STX8: variants seen among roughly 807,000 people sequenced by gnomAD.
STX8 encodes syntaxin 8.
STX8 carries 23 observed loss-of-function variants against 37.5 expected under a neutral mutation model. That is an observed-to-expected ratio of 0.61 (90% CI 0.44 to 0.87). STX8 has a LOEUF of 0.87. STX8 is among the 40% of genes least tolerant of loss of function. The probability of loss-of-function intolerance (pLI) is 0.00; values close to 1 mark genes in which losing one functional copy is unlikely to be tolerated. For synonymous variants in STX8, 115 were observed against 99.1 expected, an observed-to-expected ratio of 1.16 and a Z score of -0.95; for missense variants, 313 against 284.7, an observed-to-expected ratio of 1.10 and a Z score of -0.71.
intron 4 of STX8, among the ~76,000 whole-genome samples, chr17:9,525,455 T>C (rs1905528069): frequency 1.3e-5 from 2 of 151,802 alleles, no homozygotes; most frequent in Admixed American, 1.3e-4. Flanking sequence ...CACACCATTC[T>C]CCTGCCTCAG....
Position 9,351,266 on chromosome 17 carries a change from TC to T in STX8, c.643+27285del, listed in dbSNP as rs370833425. 3.7e-3 allele frequency among the ~76,000 whole-genome samples: 542 copies of T among 146,964 alleles called. 4 individuals carry two copies. The highest frequency in any genetic ancestry group is 0.013 in the African/African-American group (522 of 39,756). Reference sequence around the variant, plus strand: ...TCTGCCTCCCAGGTTCAGGTGTTTCTCCTGCCTCAGCCTCCCAAGTAGCTGG... The same window carrying T: ...TCTGCCTCCCAGGTTCAGGTGTTTCTCTGCCTCAGCCTCCCAAGTAGCTGG... On this transcript the variant is annotated intron_variant, in intron 7 of 7. Coordinates refer to ENST00000306357, the MANE Select transcript of STX8 (RefSeq NM_004853.3).
intron 6 of STX8, among the ~76,000 whole-genome samples, chr17:9,430,163 A>ATAATTTATATATAAATAAAATATAAAT (rs1913902859): frequency 9.3e-6 from 1 of 107,462 alleles, no homozygotes. Context: ...AAAATATAAA[A>ATAATTTATATATAAATAAAATATAAAT]TATATATAAT....
chr17:9,422,080 A>G (rs935953018), intron 6 of STX8, among the ~76,000 whole-genome samples: 1 of 150,180 alleles, frequency 6.7e-6, no homozygotes, highest in Non-Finnish European at 1.5e-5. Flanking sequence ...CCTTTTCTTT[A>G]TAATTTACCC....
At chr17:9,360,703 T>C (rs1911034327) in intron 7 of STX8, among the ~76,000 whole-genome samples, 1 of 149,910 alleles carries the variant, frequency 6.7e-6, no homozygotes, top group Non-Finnish European at 1.5e-5. Flanking sequence ...CCAAAAGTCA[T>C]TTTGAAAGCA....
At chr17:9,302,674 T>TG (rs1908828508) in intron 7 of STX8, among the ~76,000 whole-genome samples, 1 of 152,100 alleles carries the variant, frequency 6.6e-6, no homozygotes, top group South Asian at 2.1e-4. Flanking sequence ...GACCTGGCTT[T>TG]GACCAAGGAG....
At chr17:9,493,246 T>G (rs932617426) in intron 5 of STX8, among the ~76,000 whole-genome samples, 1 of 152,130 alleles carries the variant, frequency 6.6e-6, no homozygotes, top group African/African-American at 2.4e-5. Context: ...GCCTGGGTGA[T>G]AGAGAGAGGC....
chr17:9,320,277 G>A (rs1359218069), intron 7 of STX8, among the ~76,000 whole-genome samples: 1 of 149,974 alleles, frequency 6.7e-6, no homozygotes, highest in African/African-American at 2.5e-5. Context: ...AGGTTACAGT[G>A]AGCCAAGATG....
At chr17:9,543,047 T>C (rs1457790206) in intron 4 of STX8, among the ~76,000 whole-genome samples, 3 of 152,166 alleles carry the variant, frequency 2.0e-5, no homozygotes, top group African/African-American at 7.2e-5. Context: ...GCACAATTAA[T>C]GAGAAGCAAA....
intron 5 of STX8, among the ~76,000 whole-genome samples, chr17:9,502,492 A>T (rs564248636): frequency 6.6e-6 from 1 of 152,332 alleles, no homozygotes; most frequent in South Asian, 2.1e-4. Context: ...AATTAGATTG[A>T]TTTGCCCATT....
At chr17:9,384,567 GGCGGA>G (rs1183288555) in intron 6 of STX8, among the ~76,000 whole-genome samples, 1 of 151,980 alleles carries the variant, frequency 6.6e-6, no homozygotes, top group African/African-American at 2.4e-5. Context: ...GAACCCGGGA[GGCGGA>G]GCTTGCAGAG....
intron 6 of STX8, among the ~76,000 whole-genome samples, chr17:9,491,226 G>A (rs528975662): frequency 9.9e-5 from 15 of 152,124 alleles, no homozygotes; most frequent in Admixed American, 7.2e-4. Context: ...CATCCTTAAC[G>A]TAAAATCACT....
chr17:9,365,461 A>T (rs775397816), intron 7 of STX8, among the ~76,000 whole-genome samples: 14 of 152,264 alleles, frequency 9.2e-5, no homozygotes, highest in Non-Finnish European at 2.1e-4. Flanking sequence ...TTTTGGGACA[A>T]AGAACATGTA....
chr17:9,261,474 A>T (rs7217341), intron 7 of STX8, among the ~76,000 whole-genome samples: 4,603 of 152,180 alleles, frequency 0.03, 211 homozygotes, highest in African/African-American at 0.1. Context: ...AAGGCAGAAA[A>T]ATCAACCCTA....
rs535959745 is a variant in STX8 at position 9,270,414 on chromosome 17, A to AT, written c.644-19770dup. The stretch of plus-strand genomic sequence containing the variant: ...AGGTGCCCGCCACCACGCCCGGCTA[A>AT]TTTTTTTTTTTTGTATTTTTTAGTA... On this transcript the variant is annotated intron_variant, in intron 7 of 7. Coordinates refer to ENST00000306357, the MANE Select transcript of STX8 (RefSeq NM_004853.3). 1.8e-3 allele frequency among the ~76,000 whole-genome samples: 265 copies of AT among 146,312 alleles called. 3 individuals carry two copies. The South Asian group carries it at 0.025, about 14-fold the overall frequency.
intron 6 of STX8, among the ~76,000 whole-genome samples, chr17:9,383,271 G>A (rs1911880777): frequency 6.6e-6 from 1 of 152,122 alleles, no homozygotes; most frequent in South Asian, 2.1e-4. Context: ...AAAGTTTTTA[G>A]GATGCTACTA....
chr17:9,272,316 C>G (rs1346258852), intron 7 of STX8, among the ~76,000 whole-genome samples: 1 of 152,182 alleles, frequency 6.6e-6, no homozygotes, highest in Non-Finnish European at 1.5e-5. Context: ...CACAGAAGCC[C>G]GAGGAAATGC....
chr17:9,409,180 T>C (rs1324096762), intron 6 of STX8, among the ~76,000 whole-genome samples: 1 of 151,202 alleles, frequency 6.6e-6, no homozygotes, highest in Non-Finnish European at 1.5e-5. Context: ...AGATATCACC[T>C]ATGCCCATTA....
chr17:9,250,938 C>T (rs889811555), intron 7 of STX8, among the ~76,000 whole-genome samples: 2 of 152,074 alleles, frequency 1.3e-5, no homozygotes, highest in African/African-American at 4.8e-5. Flanking sequence ...ACACCTTGGA[C>T]CACAAGGGAG....
At chr17:9,355,332 C>CTTTT (rs57991262) in intron 7 of STX8, among the ~76,000 whole-genome samples, 11 of 116,256 alleles carry the variant, frequency 9.5e-5, no homozygotes, top group East Asian at 2.5e-4. Flanking sequence ...CTTTGTGGAA[C>CTTTT]TTTTTTTTTT....
Sources: gnomAD v4.1 joint callset for allele counts (sites outside exome capture counted in the v4.1 genomes callset) on GRCh38, gnomAD v4.1.1 for gene constraint, MANE v1.5 for transcripts, NCBI Gene and HGNC (gene_info 2026-07-23, HGNC 2026-07-21) for gene names.